TRIM29: variants seen among roughly 807,000 people sequenced by gnomAD.
TRIM29 encodes tripartite motif containing 29.
In TRIM29, 52 loss-of-function variants were observed where a neutral mutation model predicts 57.3. The observed-to-expected ratio is 0.91, with a 90% CI of 0.73 to 1.14. TRIM29 has a LOEUF of 1.14. Among genes scored for constraint, TRIM29 ranks in the 50% most tolerant of loss-of-function variants. TRIM29 has a pLI of 0.00. For synonymous variants in TRIM29, 319 were observed against 316.9 expected (o/e 1.01, Z -0.07); for missense variants, 753 against 774.6 (o/e 0.97, Z 0.33).
intron 1 of TRIM29, chr11:120,128,888 G>C (rs1863659846): frequency 6.9e-7 from 1 of 1,444,644 alleles, no homozygotes; most frequent in African/African-American, 1.4e-5. Flanking sequence ...GCCCAGCTCA[G>C]CCCAGCCCAG....
chr11:120,127,548 C>A lies in TRIM29; in HGVS notation c.922G>T (p.Ala308Ser). 1.9e-6 allele frequency: 3 copies of A among 1,613,922 alleles called. No individual in the cohort carries two copies. The highest frequency in any genetic ancestry group is 2.5e-6 in the Non-Finnish European group (3 of 1,179,874). The change falls in exon 3 of 9, where the codon GCC (alanine) becomes TCC (serine). Residue 308 changes from alanine to serine, a missense_variant. Coordinates refer to ENST00000341846, the MANE Select transcript of TRIM29 (RefSeq NM_012101.4). ...RIKSFTTNEK[A>S]ILEQNFRDLV... ...TCCCGGAAGTTCTGCTCCAGGATGGCCTTCTCATTGGTGGTGAAGCTCTGG... is the reference window on the plus strand; with the variant it reads ...TCCCGGAAGTTCTGCTCCAGGATGGACTTCTCATTGGTGGTGAAGCTCTGG...
At chr11:120,117,917 G>C in intron 7 of TRIM29, 1 of 389,756 alleles carries the variant, frequency 2.6e-6, no homozygotes. Flanking sequence ...CTGAGGATCA[G>C]AGAGGTCGAG....
chr11:120,122,316 T>C (rs967964256), intron 5 of TRIM29, among the ~76,000 whole-genome samples: 1 of 151,948 alleles, frequency 6.6e-6, no homozygotes, highest in African/African-American at 2.4e-5. Flanking sequence ...CCCACCCTTA[T>C]GTAACGGGTA....
chr11:120,118,105 G>T, intron 7 of TRIM29, 118 bp downstream of exon 7: 1 of 952,258 alleles, frequency 1.1e-6, no homozygotes, highest in Non-Finnish European at 1.6e-6. Flanking sequence ...CTCAGGCCAG[G>T]CCTCTCTCCT....
At chr11:120,128,803 G>C (rs1863657777) in intron 1 of TRIM29, 1 of 1,530,144 alleles carries the variant, frequency 6.5e-7, no homozygotes, top group African/African-American at 1.4e-5. Context: ...AAGAGCAGGA[G>C]GGAAACTCAT....
intron 1 of TRIM29, among the ~76,000 whole-genome samples, chr11:120,129,148 G>A (rs1863666851): frequency 6.6e-6 from 1 of 152,174 alleles, no homozygotes; most frequent in African/African-American, 2.4e-5. Context: ...AGGTTGTAGG[G>A]ACCCCTGCTC....
chr11:120,119,537 C>G (rs1045818464), intron 6 of TRIM29, among the ~76,000 whole-genome samples: 1 of 152,238 alleles, frequency 6.6e-6, no homozygotes, highest in Non-Finnish European at 1.5e-5. Context: ...TCTCTCTCAA[C>G]AACTGCTTCC....
Position 120,111,862 on chromosome 11 carries a change from T to G in TRIM29, c.*552A>C, listed in dbSNP as rs1863142916. The G allele has an allele frequency of 6.4e-6, 1 of 156,252 alleles. No individual in the cohort carries two copies. The highest frequency in any genetic ancestry group is 2.4e-5 in the African/African-American group (1 of 41,492). 9.7% of individuals were successfully genotyped at this position (156,252 alleles called of 1,614,324 possible). A position where few individuals can be genotyped will look rare whatever the true frequency, so the allele number is the denominator to read the frequency against. Reference sequence around the variant, plus strand: ...ATCTGCAGTGGCCAAGGGCTGCAGGTTCTGCCATGCTGGGCATTGATAGGT... The same window carrying G: ...ATCTGCAGTGGCCAAGGGCTGCAGGGTCTGCCATGCTGGGCATTGATAGGT... On this transcript the variant is annotated 3_prime_UTR_variant, in exon 9 of 9. Coordinates refer to ENST00000341846, the MANE Select transcript of TRIM29 (RefSeq NM_012101.4).
At chr11:120,128,777 A>C (rs1040685560) in intron 1 of TRIM29, 1 of 1,533,962 alleles carries the variant, frequency 6.5e-7, no homozygotes, top group Non-Finnish European at 8.7e-7. Flanking sequence ...ACCTCTGCCT[A>C]TCTCCTCCAC....
At chr11:120,121,056 C>T (rs561158187) in intron 5 of TRIM29, among the ~76,000 whole-genome samples, 65 of 152,234 alleles carry the variant, frequency 4.3e-4, no homozygotes, top group African/African-American at 1.2e-3. Flanking sequence ...CTTTCCTTCC[C>T]GCACACCTGG....
Position 120,112,459 on chromosome 11 carries a change from G to C in TRIM29, c.1722C>G (p.Phe574Leu). 1.2e-6 allele frequency: 2 copies of C among 1,613,400 alleles called. No individual in the cohort carries two copies. Among genetic ancestry groups the C allele is most frequent in the Non-Finnish European group, 1.7e-6 (2 of 1,179,770 alleles). ...KQTMLSHYRP[F>L]YVNKGNGIGS... is the part of the protein sequence containing the mutation. ...CAATCCCGTTGCCTTTGTTGACGTA[G>C]AATGGCCGGTAGTGAGACTGTGGGG... Residue 574 changes from phenylalanine to leucine, a missense_variant, in exon 9 of 9, where the codon TTC becomes TTG. Transcript: ENST00000341846.
At chr11:120,128,908 T>A in intron 1 of TRIM29, 1 of 1,422,352 alleles carries the variant, frequency 7.0e-7, no homozygotes, top group Non-Finnish European at 9.2e-7. Context: ...GCCCAGGGAG[T>A]GTCTCGTGGC....
In TRIM29 at chr11:120,137,713, C is replaced by G. The variant is rs765392140; in HGVS notation, c.319G>C (p.Ala107Pro). ...TTGGCAGCCCCCAGCTGGAGCCCTG[C>G]GTACGGCGACCTCTTGCCTTCCATA... ...DSMEGKRSPY[A>P]GLQLGAAKKP... The change falls in exon 1 of 9, where the codon GCA becomes CCA. Residue 107 changes from alanine (A) to proline (P), a missense_variant. By Grantham distance (27) the Ala-to-Pro change is conservative. Transcript: ENST00000341846. The surrounding 1 kb of genome is among the most constrained non-coding windows in gnomAD (Gnocchi z 6.2). The G allele has an allele frequency of 1.2e-5, 20 of 1,612,788 alleles. No individual in the cohort carries two copies. In the African/African-American group the frequency reaches 2.3e-4, roughly 18 times the overall value.
intron 6 of TRIM29, among the ~76,000 whole-genome samples, chr11:120,120,188 T>C (rs546377892): frequency 9.3e-4 from 141 of 152,032 alleles, no homozygotes; most frequent in African/African-American, 3.4e-3. Flanking sequence ...GGGTGGCGCA[T>C]TCCCCACACT....
chr11:120,134,817 G>C (rs1432031263), intron 1 of TRIM29, among the ~76,000 whole-genome samples: 1 of 152,198 alleles, frequency 6.6e-6, no homozygotes. Context: ...AAGGACCTTG[G>C]ACAGGCCCCT....
rs1346882887 is a variant in TRIM29 at position 120,127,501 on chromosome 11, C to T, written c.969G>A (p.Lys323=). The part of the protein sequence containing the change: ...NFRDLVRDLE[K]QKEEVRAALE... ...GCGCAGCCCTCACTTCCTCCTTTTG[C>T]TTCTCCAGGTCCCGCACCAGGTCCC... Residue 323 remains lysine, a synonymous_variant, in exon 3 of 9, where the codon AAG becomes AAA. Coordinates refer to ENST00000341846, the MANE Select transcript of TRIM29 (RefSeq NM_012101.4). The T allele has an allele frequency of 6.2e-7, 1 of 1,614,260 alleles. No individual in the cohort carries two copies. The highest frequency in any genetic ancestry group is 2.2e-5 in the East Asian group (1 of 44,888).
intron 7 of TRIM29, chr11:120,116,635 G>A (rs1863277153): frequency 6.5e-6 from 1 of 154,066 alleles, no homozygotes; most frequent in African/African-American, 2.4e-5. Context: ...TTGGAAAGGG[G>A]GGTTCCAGGG....
chr11:120,136,181 C>A (rs561452476), intron 1 of TRIM29, among the ~76,000 whole-genome samples: 6 of 152,292 alleles, frequency 3.9e-5, no homozygotes, highest in Admixed American at 2.0e-4. Flanking sequence ...TATACAGATG[C>A]TCCTCAACTT....
chr11:120,136,121 A>T (rs1280658992), intron 1 of TRIM29, among the ~76,000 whole-genome samples: 1 of 152,236 alleles, frequency 6.6e-6, no homozygotes, highest in Non-Finnish European at 1.5e-5. Flanking sequence ...GAATACATGC[A>T]AACATCCACA....
Sources: gnomAD v4.1 joint callset for allele counts (sites outside exome capture counted in the v4.1 genomes callset) on GRCh38, gnomAD v4.1.1 for gene constraint, Gnocchi (gnomAD v3.1) non-coding constraint, MANE v1.5 for transcripts, NCBI Gene and HGNC (gene_info 2026-07-23, HGNC 2026-07-21) for gene names.